The following SVOPL variants were observed in gnomAD, a reference collection of about 807,000 sequenced individuals.
SVOPL encodes putative transporter SVOPL.
Under a neutral mutation model 61.0 loss-of-function variants are expected in SVOPL, and 60 were observed. The ratio of observed to expected loss-of-function variants is 0.98; its 90% CI spans 0.80 to 1.22. SVOPL has a LOEUF of 1.22. Ranked by LOEUF, SVOPL falls within the 50% of genes most tolerant of loss-of-function variation. The probability of loss-of-function intolerance (pLI) is 0.00; values close to 1 mark genes in which losing one functional copy is unlikely to be tolerated. For synonymous variants in SVOPL, 279 were observed against 250.0 expected, an observed-to-expected ratio of 1.12 and a Z score of -1.09; for missense variants, 662 against 643.9, an observed-to-expected ratio of 1.03 and a Z score of -0.30.
intron 9 of SVOPL, among the ~76,000 whole-genome samples, chr7:138,631,960 T>TCTCTCACACACACACACACACACA (rs935815206): frequency 1.4e-4 from 20 of 146,964 alleles, no homozygotes; most frequent in African/African-American, 5.1e-4. Flanking sequence ...TGCTCTGATA[T>TCTCTCACACACACACACACACACA]CACACACACA....
rs192792599 is a variant in SVOPL, at chr7:138,642,147, A to G, written c.789+2570T>C. Among the ~76,000 whole-genome samples, 284 of 151,928 alleles carry G rather than the reference A, an allele frequency of 1.9e-3. 1 individual carries two copies. The highest frequency in any genetic ancestry group is 6.6e-3 in the African/African-American group (276 of 41,512). Reference sequence around the variant, plus strand: ...GTTTAAAAAATAAATCTTGAGAAATAGAAATACATTTACTCTTGAGACATG... The same window carrying G: ...GTTTAAAAAATAAATCTTGAGAAATGGAAATACATTTACTCTTGAGACATG... On this transcript the variant is annotated intron_variant, in intron 9 of 15. Transcript: ENST00000674285.
chr7:138,617,008 A>G (rs1274252817), intron 14 of SVOPL, among the ~76,000 whole-genome samples: 3 of 152,308 alleles, frequency 2.0e-5, no homozygotes, highest in Non-Finnish European at 4.4e-5. Context: ...TCGCTTTGTC[A>G]TCCAGGCTGC....
chr7:138,664,164 C>A (rs934585416), intron 4 of SVOPL: 1 of 956,718 alleles, frequency 1.0e-6, no homozygotes, highest in South Asian at 4.8e-5. Context: ...AGTGGTGCCC[C>A]CTTCTTGTGC....
At position 138,663,411 on chromosome 7, in the gene SVOPL, T is replaced by G. The variant is rs1802091705; in HGVS notation, c.274-266A>C. On this transcript the variant is annotated intron_variant, in intron 4 of 15. Coordinates refer to ENST00000674285, the MANE Select transcript of SVOPL (RefSeq NM_001139456.2). The stretch of plus-strand genomic sequence containing the variant: ...CGCCCGCTTGTTGCTAGAGGACGGC[T>G]TCGGCTCCACTCTATTCAGATGTGT... The G allele has an allele frequency of 5.2e-6, 7 of 1,358,312 alleles. No homozygotes were observed. In the South Asian group the frequency reaches 1.1e-4, roughly 22 times the overall value. The allele number at this position is 1,358,312 out of a possible 1,614,324, so 84.1% of individuals were successfully genotyped here.
intron 1 of SVOPL, chr7:138,689,630 G>C (rs1314185936): frequency 2.6e-6 from 1 of 378,390 alleles, no homozygotes; most frequent in East Asian, 6.2e-5. Context: ...AGGCTGAGGT[G>C]GGTGGATCAC....
intron 14 of SVOPL, among the ~76,000 whole-genome samples, chr7:138,603,072 T>C (rs1167887436): frequency 2.6e-5 from 4 of 152,072 alleles, no homozygotes; most frequent in Non-Finnish European, 4.4e-5. Context: ...TCCACATATA[T>C]ACAAATATGA....
At chr7:138,602,662 T>TGG (rs920028129) in intron 14 of SVOPL, among the ~76,000 whole-genome samples, 1 of 152,076 alleles carries the variant, frequency 6.6e-6, no homozygotes. Flanking sequence ...CTCCTTCCTT[T>TGG]GGTGCCAGCA....
chr7:138,651,238 C>G (rs1240274502), intron 7 of SVOPL, among the ~76,000 whole-genome samples: 1 of 152,154 alleles, frequency 6.6e-6, no homozygotes, highest in Non-Finnish European at 1.5e-5. Context: ...TTCTGTCATT[C>G]CAGTGAAACC....
intron 14 of SVOPL, among the ~76,000 whole-genome samples, chr7:138,616,381 G>A (rs1445945147): frequency 2.0e-5 from 3 of 150,474 alleles, no homozygotes; most frequent in African/African-American, 7.4e-5. Context: ...TTGTTGACCA[G>A]GCTGGAGTGC....
At chr7:138,625,946 G>A in intron 13 of SVOPL, 23 bp downstream of exon 13, 17 of 1,613,290 alleles carry the variant, frequency 1.1e-5, no homozygotes, top group Non-Finnish European at 1.4e-5. Context: ...CCCTTTGTAA[G>A]CAAGCCTTGC....
chr7:138,665,375 G>A (rs1802223376), intron 4 of SVOPL, among the ~76,000 whole-genome samples: 1 of 151,544 alleles, frequency 6.6e-6, no homozygotes, highest in African/African-American at 2.4e-5. Flanking sequence ...ATTGTTCCCA[G>A]TAAGCTCAGG....
chr7:138,677,298 T>G (rs1423732883), intron 3 of SVOPL, among the ~76,000 whole-genome samples: 4 of 152,234 alleles, frequency 2.6e-5, no homozygotes, highest in African/African-American at 7.2e-5. Context: ...TGATGTTAGC[T>G]TTGAAGACCC....
At chr7:138,641,806 T>C (rs999563240) in intron 9 of SVOPL, among the ~76,000 whole-genome samples, 1 of 68,650 alleles carries the variant, frequency 1.5e-5, no homozygotes, top group African/African-American at 5.3e-5. Flanking sequence ...GTATCAAATA[T>C]ATATATGTTA....
intron 7 of SVOPL, among the ~76,000 whole-genome samples, chr7:138,653,279 T>G (rs758037669): frequency 6.6e-6 from 1 of 152,130 alleles, no homozygotes; most frequent in Non-Finnish European, 1.5e-5. Context: ...AGATCACTGG[T>G]GCAGGTGGCT....
chr7:138,614,392 CTTTTTTTT>C (rs528123598), intron 14 of SVOPL, among the ~76,000 whole-genome samples: 3 of 137,912 alleles, frequency 2.2e-5, no homozygotes, highest in Non-Finnish European at 1.6e-5. Flanking sequence ...AGCATTTCAA[CTTTTTTTT>C]TTTTTTTTTT....
At chr7:138,697,686 GGAA>G (rs1413363976) in intron 1 of SVOPL, among the ~76,000 whole-genome samples, 2 of 143,726 alleles carry the variant, frequency 1.4e-5, no homozygotes, top group African/African-American at 2.6e-5. Flanking sequence ...GAAAAGAAGA[GGAA>G]GAAGAAGAGG....
chr7:138,649,269 G>A, intron 7 of SVOPL, 132 bp from the exon 8 acceptor site: 1 of 1,218,682 alleles, frequency 8.2e-7, no homozygotes, highest in South Asian at 1.8e-5. Context: ...CTTCTTTTGG[G>A]AGCCACTTTG....
intron 5 of SVOPL, chr7:138,661,800 G>A: frequency 1.1e-6 from 1 of 949,554 alleles, no homozygotes. Context: ...CAGGGCAACT[G>A]GACTGTATGA....
chr7:138,612,405 T>TAAAAAAAAAAAA (rs1158818070), intron 14 of SVOPL, among the ~76,000 whole-genome samples: 3 of 9,326 alleles, frequency 3.2e-4, no homozygotes, highest in Admixed American at 9.5e-4. Flanking sequence ...AAAAATAAAT[T>TAAAAAAAAAAAA]AAAAAAAAAA....
Sources: gnomAD v4.1 joint callset for allele counts (sites outside exome capture counted in the v4.1 genomes callset) on GRCh38, gnomAD v4.1.1 for gene constraint, MANE v1.5 for transcripts, NCBI Gene and HGNC (gene_info 2026-07-23, HGNC 2026-07-21) for gene names.